Variants in RPS6KA2 observed in about 807,000 individuals in gnomAD.
The protein encoded by RPS6KA2 is ribosomal protein S6 kinase A2.
A neutral mutation model predicts 91.8 loss-of-function variants in RPS6KA2; 42 were observed. That is an observed-to-expected ratio of 0.46 (90% CI 0.36 to 0.59). The LOEUF (loss-of-function observed/expected upper bound fraction) is 0.59, where lower values mean the gene tolerates loss of function less well. Ranked by LOEUF, RPS6KA2 falls within the 20% of genes least tolerant of loss-of-function variation. RPS6KA2 has a pLI of 0.00. For missense variants in RPS6KA2, 798 were observed against 978.5 expected, an observed-to-expected ratio of 0.82 and a Z score of 2.46; for synonymous variants, 414 against 393.6, an observed-to-expected ratio of 1.05 and a Z score of -0.61.
intron 1 of RPS6KA2, among the ~76,000 whole-genome samples, chr6:166,581,224 T>C (rs1166516507): frequency 1.3e-5 from 2 of 152,222 alleles, no homozygotes; most frequent in Non-Finnish European, 2.9e-5. Flanking sequence ...ACATACATAT[T>C]GTCTATGATT....
At chr6:166,506,539 G>A (rs1035796118) in intron 5 of RPS6KA2, among the ~76,000 whole-genome samples, 1 of 152,188 alleles carries the variant, frequency 6.6e-6, no homozygotes, top group Non-Finnish European at 1.5e-5. Flanking sequence ...GGGGCCAGAC[G>A]CCAGTTCCCA....
chr6:166,697,878 T>C (rs935858606), intron 2 of RPS6KA2, among the ~76,000 whole-genome samples: 1 of 152,142 alleles, frequency 6.6e-6, no homozygotes, highest in Non-Finnish European at 1.5e-5. Context: ...CTCACTTCTG[T>C]AGCCCCAGAA....
rs368670644 is a variant in RPS6KA2 at position 166,480,476 on chromosome 6, ATTT to A, written c.907+8354_907+8356del. ...GAATCTTATATTCCTTAAGATTGTG[ATTT>A]TATATATATATATATATATATATAT... is the stretch of plus-strand genomic sequence containing the variant. On this transcript the variant is annotated intron_variant, in intron 10 of 20. Coordinates refer to ENST00000265678, the MANE Select transcript of RPS6KA2 (RefSeq NM_021135.6). Among the ~76,000 whole-genome samples the A allele has an allele frequency of 8.0e-3, 315 of 39,332 alleles. 9 individuals carry two copies. Among genetic ancestry groups the A allele is most frequent in the Admixed American group, 0.018 (46 of 2,518 alleles). 25.8% of individuals were successfully genotyped at this position (39,332 alleles called of 152,430 possible).
At chr6:166,685,993 G>A (rs2128568633) in intron 2 of RPS6KA2, among the ~76,000 whole-genome samples, 1 of 152,344 alleles carries the variant, frequency 6.6e-6, no homozygotes. Context: ...CGAAGGAGCT[G>A]TGAGGTCTTT....
At chr6:166,823,795 T>C (rs1265126146) in intron 2 of RPS6KA2, among the ~76,000 whole-genome samples, 1 of 152,112 alleles carries the variant, frequency 6.6e-6, no homozygotes, top group Non-Finnish European at 1.5e-5. Flanking sequence ...AAGTGAACCT[T>C]ATTTGATCAG....
At chr6:166,860,264 T>C (rs12665490) in intron 1 of RPS6KA2, among the ~76,000 whole-genome samples, 1,957 of 152,300 alleles carry the variant, frequency 0.013, 39 homozygotes, top group East Asian at 0.059. Flanking sequence ...CCAGCTGTGC[T>C]CTCCTGAAAA....
chr6:166,797,074 G>A (rs796145801), intron 2 of RPS6KA2, among the ~76,000 whole-genome samples: 41 of 152,318 alleles, frequency 2.7e-4, no homozygotes, highest in African/African-American at 9.6e-4. Context: ...CTGGCTTGTC[G>A]GTCTGAGCAC....
At chr6:166,651,943 G>A (rs1428351223) in intron 2 of RPS6KA2, among the ~76,000 whole-genome samples, 3 of 152,254 alleles carry the variant, frequency 2.0e-5, no homozygotes, top group Non-Finnish European at 4.4e-5. Context: ...CGTGGAGCCG[G>A]GATGCAGGAG....
intron 20 of RPS6KA2, among the ~76,000 whole-genome samples, chr6:166,413,186 C>G (rs943080287): frequency 6.6e-6 from 1 of 151,924 alleles, no homozygotes; most frequent in Non-Finnish European, 1.5e-5. Context: ...AGGCTGAGGT[C>G]ACGTGATCCC....
At chr6:166,529,544 C>T (rs1006165765) in intron 3 of RPS6KA2, among the ~76,000 whole-genome samples, 2 of 151,906 alleles carry the variant, frequency 1.3e-5, no homozygotes, top group African/African-American at 2.4e-5. Flanking sequence ...ACGTTGTGCA[C>T]GTGTACCCTA....
At position 166,448,590 on chromosome 6, in the gene RPS6KA2, G is replaced by T; in HGVS notation, c.1332+134C>A. The T allele has an allele frequency of 8.8e-7, 1 of 1,135,762 alleles. No homozygotes were observed. Among genetic ancestry groups the T allele is most frequent in the Non-Finnish European group, 1.2e-6 (1 of 811,416 alleles). 70.4% of individuals were successfully genotyped at this position (1,135,762 alleles called of 1,614,324 possible). On this transcript the variant is annotated intron_variant, in intron 14 of 20. Coordinates refer to ENST00000265678, the MANE Select transcript of RPS6KA2 (RefSeq NM_021135.6). The surrounding 1 kb of genome is among the most constrained non-coding windows in gnomAD (Gnocchi z 4.7). Reference sequence around the variant, plus strand: ...GCTCCTATGCTCCGTGCTCCCATGTGCTGTACATGCTCCCACACGCTGCAC... The same window carrying T: ...GCTCCTATGCTCCGTGCTCCCATGTTCTGTACATGCTCCCACACGCTGCAC...
chr6:166,510,173 G>A, intron 4 of RPS6KA2, 104 bp downstream of exon 4: 3 of 707,370 alleles, frequency 4.2e-6, no homozygotes, highest in South Asian at 3.8e-5. Flanking sequence ...TATGGTATAG[G>A]AAAGATTTTC....
At chr6:166,551,665 T>G (rs553420710) in intron 1 of RPS6KA2, among the ~76,000 whole-genome samples, 4 of 152,184 alleles carry the variant, frequency 2.6e-5, no homozygotes, top group African/African-American at 9.7e-5. Flanking sequence ...AGTTATTGCA[T>G]TCTAAAAGAT....
chr6:166,498,735 G>A, intron 7 of RPS6KA2, 85 bp from the exon 8 acceptor site: 1 of 1,539,578 alleles, frequency 6.5e-7, no homozygotes, highest in Non-Finnish European at 8.9e-7. Flanking sequence ...GCGTCCTTCT[G>A]TGGGCTCTGC....
At position 166,612,847 on chromosome 6, in the gene RPS6KA2, C is replaced by T. The variant is rs532745050; in HGVS notation, c.99+14074G>A. On this transcript the variant is annotated intron_variant, in intron 1 of 20. Transcript: ENST00000265678. The surrounding 1 kb of genome is among the most constrained non-coding windows in gnomAD (Gnocchi z 4.3). The stretch of plus-strand genomic sequence containing the variant: ...ACCTGTCCTCCTCCCTCTGGCCCTG[C>T]GCACTACGTCCCACTTGTTTCTTGA... Among the ~76,000 whole-genome samples the T allele has an allele frequency of 6.6e-6, 1 of 152,202 alleles. No individual in the cohort carries two copies. Among genetic ancestry groups the T allele is most frequent in the Non-Finnish European group, 1.5e-5 (1 of 68,034 alleles).
intron 1 of RPS6KA2, among the ~76,000 whole-genome samples, chr6:166,579,482 T>C (rs1784939961): frequency 6.6e-6 from 1 of 152,186 alleles, no homozygotes; most frequent in Non-Finnish European, 1.5e-5. Context: ...TTATTAAAGA[T>C]ACATTGTTAC....
At chr6:166,728,601 C>T (rs1457499700) in intron 2 of RPS6KA2, among the ~76,000 whole-genome samples, 1 of 152,214 alleles carries the variant, frequency 6.6e-6, no homozygotes, top group Non-Finnish European at 1.5e-5. Flanking sequence ...TCACACCCTC[C>T]AGCACACAAT....
At chr6:166,701,906 G>A in intron 2 of RPS6KA2, 1 of 1,100,278 alleles carries the variant, frequency 9.1e-7, no homozygotes, top group Non-Finnish European at 1.4e-6. Flanking sequence ...CGTGATTTTA[G>A]TGTCTGTGTC....
At chr6:166,805,128 C>T (rs1477781381) in intron 2 of RPS6KA2, among the ~76,000 whole-genome samples, 2 of 152,150 alleles carry the variant, frequency 1.3e-5, no homozygotes, top group African/African-American at 2.4e-5. Context: ...GGGGATGTCT[C>T]GAATGATAAA....
Sources: gnomAD v4.1 joint callset for allele counts (sites outside exome capture counted in the v4.1 genomes callset) on GRCh38, gnomAD v4.1.1 for gene constraint, Gnocchi (gnomAD v3.1) non-coding constraint, MANE v1.5 for transcripts, NCBI Gene and HGNC (gene_info 2026-07-23, HGNC 2026-07-21) for gene names.